RUNDC3B: variants seen among roughly 807,000 people sequenced by gnomAD.
The protein encoded by RUNDC3B is RUN domain-containing protein 3B.
A neutral mutation model predicts 58.4 loss-of-function variants in RUNDC3B; 33 were observed. The ratio of observed to expected loss-of-function variants is 0.56; its 90% CI spans 0.43 to 0.75. The LOEUF is 0.75. Among genes scored for constraint, RUNDC3B ranks in the 30% least tolerant of loss-of-function variants. RUNDC3B has a pLI of 0.00. For synonymous variants in RUNDC3B, 193 were observed against 195.2 expected, an observed-to-expected ratio of 0.99 and a Z score of 0.10; for missense variants, 501 against 535.7, an observed-to-expected ratio of 0.94 and a Z score of 0.64.
intron 4 of RUNDC3B, among the ~76,000 whole-genome samples, chr7:87,713,663 A>AAG: frequency 6.6e-6 from 1 of 151,738 alleles, no homozygotes; most frequent in South Asian, 2.1e-4. Context: ...AAAAAAAAAA[A>AAG]AGAGAGAGAC....
At chr7:87,667,087 G>A (rs1026722302) in intron 2 of RUNDC3B, among the ~76,000 whole-genome samples, 1 of 152,110 alleles carries the variant, frequency 6.6e-6, no homozygotes, top group Non-Finnish European at 1.5e-5. Flanking sequence ...GGGCAGTATA[G>A]CCATTTTAGT....
At chr7:87,822,276 C>A (rs1044921490) in intron 10 of RUNDC3B, among the ~76,000 whole-genome samples, 3 of 152,152 alleles carry the variant, frequency 2.0e-5, no homozygotes, top group African/African-American at 4.8e-5. Flanking sequence ...AGCCAAAAAA[C>A]ACATGAAAAA....
At chr7:87,785,470 G>GCTA (rs2130896574) in intron 8 of RUNDC3B, among the ~76,000 whole-genome samples, 1 of 152,320 alleles carries the variant, frequency 6.6e-6, no homozygotes, top group African/African-American at 2.4e-5. Flanking sequence ...GACTGGGCCT[G>GCTA]CAGCTTTGTC....
intron 9 of RUNDC3B, among the ~76,000 whole-genome samples, chr7:87,813,759 C>T (rs1206667678): frequency 6.6e-6 from 1 of 151,934 alleles, no homozygotes; most frequent in African/African-American, 2.4e-5. Context: ...GCGGGAGGAT[C>T]GTGAGGTCAG....
At chr7:87,635,258 T>C (rs1821646091) in intron 1 of RUNDC3B, among the ~76,000 whole-genome samples, 5 of 152,222 alleles carry the variant, frequency 3.3e-5, no homozygotes, top group Admixed American at 3.3e-4. Context: ...CAACTGCTTT[T>C]ACCCAGTTGT....
chr7:87,651,499 T>C (rs888762948), intron 2 of RUNDC3B, among the ~76,000 whole-genome samples: 2 of 152,124 alleles, frequency 1.3e-5, no homozygotes, highest in Non-Finnish European at 2.9e-5. Flanking sequence ...CTATAAAATA[T>C]AGTTGCTAAA....
intron 9 of RUNDC3B, among the ~76,000 whole-genome samples, chr7:87,809,208 A>G (rs893105134): frequency 6.6e-6 from 1 of 152,162 alleles, no homozygotes; most frequent in African/African-American, 2.4e-5. Context: ...TTTAGCATGG[A>G]TCTAGATTTT....
At chr7:87,824,447 C>T (rs1837684646) in intron 10 of RUNDC3B, among the ~76,000 whole-genome samples, 1 of 152,182 alleles carries the variant, frequency 6.6e-6, no homozygotes, top group Admixed American at 6.5e-5. Context: ...TCACATGGAA[C>T]TGTGAGTCCA....
chr7:87,674,133 G>T (rs1037336943), intron 2 of RUNDC3B, among the ~76,000 whole-genome samples: 7 of 152,310 alleles, frequency 4.6e-5, no homozygotes, highest in South Asian at 2.1e-4. Context: ...CCTATGGGTG[G>T]TACCGGCCAA....
At chr7:87,740,726 C>G (rs1201377038) in intron 5 of RUNDC3B, among the ~76,000 whole-genome samples, 1 of 152,096 alleles carries the variant, frequency 6.6e-6, no homozygotes, top group East Asian at 1.9e-4. Flanking sequence ...ACAAGTCTAA[C>G]TTTATTAAAA....
chr7:87,631,119 TA>T lies in RUNDC3B; in HGVS notation c.122+2176del, dbSNP rs2130188447. On this transcript the variant is annotated intron_variant, in intron 1 of 10. Coordinates refer to ENST00000394654, the MANE Select transcript of RUNDC3B (RefSeq NM_001134405.2). ...TCATTTGTATTGTTATTTATATGGA[TA>T]ATATTAAGGCTGTTTTTCAGATCCA... is the stretch of plus-strand genomic sequence containing the variant. Among the ~76,000 whole-genome samples the T allele has an allele frequency of 1.3e-5, 2 of 152,360 alleles. 1 individual carries two copies. Among genetic ancestry groups the T allele is most frequent in the South Asian group, 4.1e-4 (2 of 4,824 alleles).
chr7:87,831,824 A>C lies in RUNDC3B; in HGVS notation c.*1794A>C, dbSNP rs1838141727. 2 of 151,982 alleles carry C rather than the reference A, an allele frequency of 1.3e-5. No individual in the cohort carries two copies. 9.4% of individuals were successfully genotyped at this position (151,982 alleles called of 1,614,324 possible). On this transcript the variant is annotated 3_prime_UTR_variant, in exon 11 of 11. Transcript: ENST00000394654. ...AACTATCAGAATGTTTAAATGCTTTATCATTCATGGTCCACTCTCAACCAA... is the reference window on the plus strand; with the variant it reads ...AACTATCAGAATGTTTAAATGCTTTCTCATTCATGGTCCACTCTCAACCAA...
chr7:87,646,225 C>T (rs78192655), intron 1 of RUNDC3B, among the ~76,000 whole-genome samples: 1,611 of 152,264 alleles, frequency 0.011, 26 homozygotes, highest in East Asian at 0.058. Flanking sequence ...TTGTTGACTA[C>T]TGATTGATCC....
chr7:87,825,940 A>T (rs957187410), intron 10 of RUNDC3B, among the ~76,000 whole-genome samples: 5 of 152,218 alleles, frequency 3.3e-5, no homozygotes, highest in Non-Finnish European at 7.3e-5. Context: ...GTATCTAGGA[A>T]GTAACTAACT....
intron 6 of RUNDC3B, among the ~76,000 whole-genome samples, chr7:87,746,351 CT>C (rs1199521542): frequency 6.6e-6 from 1 of 152,088 alleles, no homozygotes; most frequent in African/African-American, 2.4e-5. Context: ...TCCATTGTTT[CT>C]TTGTTGACTT....
chr7:87,824,227 A>G (rs1837665176), intron 10 of RUNDC3B, among the ~76,000 whole-genome samples: 1 of 152,230 alleles, frequency 6.6e-6, no homozygotes, highest in Non-Finnish European at 1.5e-5. Flanking sequence ...TGTCTAATAA[A>G]GAAGAAGAAA....
intron 2 of RUNDC3B, among the ~76,000 whole-genome samples, chr7:87,654,838 G>A (rs1335551731): frequency 6.6e-6 from 1 of 151,952 alleles, no homozygotes; most frequent in Non-Finnish European, 1.5e-5. Flanking sequence ...AAATATATGA[G>A]GAACTCAATA....
chr7:87,661,118 A>T (rs1824664442), intron 2 of RUNDC3B, among the ~76,000 whole-genome samples: 1 of 151,962 alleles, frequency 6.6e-6, no homozygotes, highest in South Asian at 2.1e-4. Context: ...TTACATTTTT[A>T]AAATTTTTAA....
chr7:87,768,002 G>A (rs1231390758), intron 6 of RUNDC3B, among the ~76,000 whole-genome samples: 1 of 152,162 alleles, frequency 6.6e-6, no homozygotes, highest in Non-Finnish European at 1.5e-5. Flanking sequence ...CAACTCTGCT[G>A]GCGATCTGTA....
Sources: gnomAD v4.1 joint callset for allele counts (sites outside exome capture counted in the v4.1 genomes callset) on GRCh38, gnomAD v4.1.1 for gene constraint, MANE v1.5 for transcripts, NCBI Gene and HGNC (gene_info 2026-07-23, HGNC 2026-07-21) for gene names.